LINGO2: variants seen among roughly 807,000 people sequenced by gnomAD.
LINGO2 encodes the protein leucine-rich repeat and immunoglobulin-like domain-containing nogo receptor-interacting protein 2.
Under a neutral mutation model 30.6 loss-of-function variants are expected in LINGO2, and 14 were observed. That is an observed-to-expected ratio of 0.46 (90% CI 0.30 to 0.72). The LOEUF is 0.72. Among genes scored for constraint, LINGO2 ranks in the 30% least tolerant of loss-of-function variants. The pLI, the probability that LINGO2 is intolerant of heterozygous loss-of-function variation, is 0.07. For missense variants in LINGO2, 729 were observed against 751.7 expected, an observed-to-expected ratio of 0.97 and a Z score of 0.35; for synonymous variants, 317 against 288.5, an observed-to-expected ratio of 1.10 and a Z score of -1.00.
At chr9:27,996,587 G>A (rs1423082562) in intron 5 of LINGO2, among the ~76,000 whole-genome samples, 1 of 152,116 alleles carries the variant, frequency 6.6e-6, no homozygotes, top group Non-Finnish European at 1.5e-5. Flanking sequence ...TGGAATGGTG[G>A]TTACTAGTGA....
the LINGO2 span, chr9:27,942,437 G>A: frequency 6.6e-5 from 10 of 151,978 alleles, no homozygotes; most frequent in African/African-American, 1.2e-4. Flanking sequence ...CCTTTCATCC[G>A]AAAAGAAAAC....
intron 3 of LINGO2, among the ~76,000 whole-genome samples, chr9:28,348,515 C>A (rs1299725286): frequency 2.6e-5 from 4 of 152,144 alleles, no homozygotes; most frequent in Non-Finnish European, 5.9e-5. Context: ...CAGAGTCTCG[C>A]TGATTGCTAG....
chr9:28,265,170 A>AACAC lies in LINGO2; in HGVS notation c.-87+30034_-87+30037dup, dbSNP rs34681290. 4.2e-4 allele frequency among the ~76,000 whole-genome samples: 63 copies of AACAC among 150,266 alleles called. 1 individual carries two copies. Among genetic ancestry groups the AACAC allele is most frequent in the Middle Eastern group, 3.4e-3 (1 of 290 alleles). ...TATATGTGTATATACACAACAACACAACACACACACACACACACGCACACA... is the reference window on the plus strand; with the variant it reads ...TATATGTGTATATACACAACAACACAACACACACACACACACACACACGCACACA... On this transcript the variant is annotated intron_variant, in intron 4 of 5. Coordinates refer to ENST00000379992, the Ensembl canonical transcript of LINGO2.
chr9:28,858,648 A>G, the LINGO2 span, among the ~76,000 whole-genome samples: 1 of 152,012 alleles, frequency 6.6e-6, no homozygotes, highest in African/African-American at 2.4e-5. Flanking sequence ...AGAGTCACAC[A>G]TTTAGTTCAT....
At chr9:28,918,832 A>G in the LINGO2 span, among the ~76,000 whole-genome samples, 1 of 152,204 alleles carries the variant, frequency 6.6e-6, no homozygotes, top group African/African-American at 2.4e-5. Flanking sequence ...CAATAACAAC[A>G]AAACTAAAAC....
At chr9:28,808,535 T>C in the LINGO2 span, among the ~76,000 whole-genome samples, 1 of 152,188 alleles carries the variant, frequency 6.6e-6, no homozygotes, top group Non-Finnish European at 1.5e-5. Flanking sequence ...ATAGACACAG[T>C]CCTTATATTG....
chr9:28,311,764 C>A (rs1467204914), intron 3 of LINGO2, among the ~76,000 whole-genome samples: 1 of 152,192 alleles, frequency 6.6e-6, no homozygotes, highest in East Asian at 1.9e-4. Flanking sequence ...GCAGTTAATG[C>A]AATCATCACA....
chr9:29,170,314 C>T, the LINGO2 span, among the ~76,000 whole-genome samples: 1 of 152,042 alleles, frequency 6.6e-6, no homozygotes, highest in African/African-American at 2.4e-5. Flanking sequence ...CGAATGGAAC[C>T]AGAGGCCATT....
chr9:28,005,826 A>G (rs1438183131), intron 5 of LINGO2, among the ~76,000 whole-genome samples: 1 of 152,068 alleles, frequency 6.6e-6, no homozygotes, highest in Non-Finnish European at 1.5e-5. Flanking sequence ...AAACAGCTTC[A>G]TAAGAAAGCA....
chr9:28,940,460 C>T, the LINGO2 span, among the ~76,000 whole-genome samples: 3 of 43,106 alleles, frequency 7.0e-5, no homozygotes, highest in African/African-American at 1.8e-4. Flanking sequence ...TGTCCATGCA[C>T]CCCATATGTT....
At chr9:27,992,624 A>G (rs1821453583) in intron 5 of LINGO2, among the ~76,000 whole-genome samples, 1 of 152,146 alleles carries the variant, frequency 6.6e-6, no homozygotes, top group East Asian at 1.9e-4. Flanking sequence ...TATAAAGTGA[A>G]AAAATAAAAT....
At chr9:28,540,421 C>T (rs183344106) in intron 1 of LINGO2, among the ~76,000 whole-genome samples, 38 of 151,950 alleles carry the variant, frequency 2.5e-4, no homozygotes, top group South Asian at 1.2e-3. Context: ...CCACCACGTC[C>T]GACTAATTTT....
intron 5 of LINGO2, among the ~76,000 whole-genome samples, chr9:28,010,321 A>G (rs1166825481): frequency 1.3e-5 from 2 of 152,204 alleles, no homozygotes; most frequent in Non-Finnish European, 2.9e-5. Context: ...TTTGAGTTGT[A>G]ACAGCATTGA....
intron 4 of LINGO2, among the ~76,000 whole-genome samples, chr9:28,179,646 G>GTATTTTATACTATATATACTA (rs1564022450): frequency 5.6e-5 from 7 of 124,928 alleles, no homozygotes; most frequent in Admixed American, 3.3e-4. Context: ...TATATATACT[G>GTATTTTATACTATATATACTA]TAGTGTATAT....
intron 3 of LINGO2, among the ~76,000 whole-genome samples, chr9:28,343,759 T>C (rs1346702870): frequency 6.6e-6 from 1 of 152,096 alleles, no homozygotes; most frequent in African/African-American, 2.4e-5. Context: ...TTCTCACCAT[T>C]TCTATAGGAC....
the LINGO2 span, among the ~76,000 whole-genome samples, chr9:29,120,390 G>C: frequency 6.6e-6 from 1 of 152,070 alleles, no homozygotes; most frequent in African/African-American, 2.4e-5. Context: ...CCAAAAACGG[G>C]TCTAAGAAAG....
chr9:28,961,788 G>C, the LINGO2 span, among the ~76,000 whole-genome samples: 1 of 152,122 alleles, frequency 6.6e-6, no homozygotes, highest in Non-Finnish European at 1.5e-5. Flanking sequence ...TTTCTATATA[G>C]TGTTCTCATT....
the LINGO2 span, among the ~76,000 whole-genome samples, chr9:29,168,141 T>C: frequency 1.3e-5 from 2 of 152,156 alleles, no homozygotes; most frequent in Admixed American, 6.5e-5. Context: ...CTCATGTCTC[T>C]TATCAGTTTT....
chr9:28,577,201 T>C (rs1824032100), intron 1 of LINGO2, among the ~76,000 whole-genome samples: 1 of 152,200 alleles, frequency 6.6e-6, no homozygotes, highest in Non-Finnish European at 1.5e-5. Context: ...AAATGATTAT[T>C]AGCTCTTGTT....
Sources: allele counts gnomAD v4.1 joint callset (sites outside exome capture counted in the v4.1 genomes callset), GRCh38; gene constraint gnomAD v4.1.1; transcripts MANE v1.5; gene names NCBI Gene and HGNC (gene_info 2026-07-23, HGNC 2026-07-21).